Variants in SLC1A3 observed in about 807,000 individuals in gnomAD.
SLC1A3 encodes excitatory amino acid transporter 1.
A neutral mutation model predicts 48.1 loss-of-function variants in SLC1A3; 21 were observed. That is an observed-to-expected ratio of 0.44 (90% CI 0.31 to 0.63). SLC1A3 has a LOEUF of 0.63. SLC1A3 is among the 20% of genes least tolerant of loss of function. SLC1A3 has a pLI of 0.08. For missense variants in SLC1A3, 546 were observed against 689.0 expected (o/e 0.79, Z 2.32); for synonymous variants, 239 against 251.4 (o/e 0.95, Z 0.47).
At chr5:36,642,326 A>G (rs1393134818) in intron 3 of SLC1A3, among the ~76,000 whole-genome samples, 3 of 152,204 alleles carry the variant, frequency 2.0e-5, no homozygotes, top group African/African-American at 7.2e-5. Flanking sequence ...TCCTTATGTG[A>G]AGGATGCATT....
chr5:36,674,226 C>T lies in SLC1A3; in HGVS notation c.567+135C>T, dbSNP rs945187734. On this transcript the variant is annotated intron_variant, in intron 5 of 9. Coordinates refer to ENST00000265113, the MANE Select transcript of SLC1A3 (RefSeq NM_004172.5). ...TTGTCAACCAGATTAAAAACACTAG[C>T]GTTTTCTAGGAATTTTGGGGGGAAA... 57 of 753,398 alleles carry T rather than the reference C, an allele frequency of 7.6e-5. 1 individual carries two copies. The East Asian group carries it at 1.4e-3, about 19-fold the overall frequency. 46.7% of individuals were successfully genotyped at this position (753,398 alleles called of 1,614,324 possible).
intron 1 of SLC1A3, among the ~76,000 whole-genome samples, chr5:36,600,569 C>T (rs1738796384): frequency 6.6e-6 from 1 of 152,190 alleles, no homozygotes; most frequent in East Asian, 1.9e-4. Flanking sequence ...CTATTTCAAG[C>T]AAGTGTGATC....
chr5:36,633,642 A>G (rs1224840382), intron 3 of SLC1A3, among the ~76,000 whole-genome samples: 3 of 152,318 alleles, frequency 2.0e-5, no homozygotes, highest in East Asian at 3.9e-4. Flanking sequence ...AGTTCCAACT[A>G]AAAGGAGATA....
intron 1 of SLC1A3, among the ~76,000 whole-genome samples, chr5:36,600,184 AAG>A (rs900962056): frequency 2.0e-5 from 3 of 152,056 alleles, no homozygotes; most frequent in Non-Finnish European, 4.4e-5. Flanking sequence ...GGGGTTAGGG[AAG>A]AGAGAGGAGG....
chr5:36,677,239 C>A, intron 6 of SLC1A3, 55 bp downstream of exon 6: 2 of 1,495,192 alleles, frequency 1.3e-6, no homozygotes, highest in South Asian at 1.1e-5. Flanking sequence ...TTGCCATCAA[C>A]ATGTGTTCTG....
At chr5:36,662,881 C>T (rs962318060) in intron 3 of SLC1A3, among the ~76,000 whole-genome samples, 1 of 152,224 alleles carries the variant, frequency 6.6e-6, no homozygotes, top group Non-Finnish European at 1.5e-5. Flanking sequence ...CACTCAGAGG[C>T]CGCCATGGGC....
chr5:36,612,032 A>G (rs1739219899), intron 2 of SLC1A3, among the ~76,000 whole-genome samples: 1 of 152,142 alleles, frequency 6.6e-6, no homozygotes, highest in African/African-American at 2.4e-5. Context: ...AACACAGTAA[A>G]CTAGCAGCTT....
chr5:36,636,463 T>TTTTCTTTGTTTC (rs1422812992), intron 3 of SLC1A3: 1 of 68,598 alleles, frequency 1.5e-5, no homozygotes, highest in Non-Finnish European at 2.8e-5. Context: ...TCTTTCTTTC[T>TTTTCTTTGTTTC]TTTCTTTCTT....
At chr5:36,641,917 C>T (rs1740630700) in intron 3 of SLC1A3, among the ~76,000 whole-genome samples, 1 of 152,050 alleles carries the variant, frequency 6.6e-6, no homozygotes, top group African/African-American at 2.4e-5. Context: ...ACAGTAAAAG[C>T]TATTAAATCT....
At chr5:36,656,256 G>A (rs571985207) in intron 3 of SLC1A3, among the ~76,000 whole-genome samples, 2 of 152,212 alleles carry the variant, frequency 1.3e-5, no homozygotes, top group East Asian at 3.9e-4. Flanking sequence ...AAGAAACTAG[G>A]TCTCAGAGAG....
At chr5:36,607,211 G>A (rs1561233753) in intron 1 of SLC1A3, 1 of 151,962 alleles carries the variant, frequency 6.6e-6, no homozygotes. Context: ...TCCTGCACTG[G>A]GATTGCGAGA....
intron 2 of SLC1A3, among the ~76,000 whole-genome samples, chr5:36,609,685 C>T (rs1028471701): frequency 2.6e-5 from 4 of 152,174 alleles, no homozygotes; most frequent in African/African-American, 9.7e-5. Flanking sequence ...ATTTTAACAT[C>T]ATTGTCTTCC....
intron 2 of SLC1A3, among the ~76,000 whole-genome samples, chr5:36,611,059 C>G (rs891405458): frequency 6.6e-6 from 1 of 152,076 alleles, no homozygotes; most frequent in Non-Finnish European, 1.5e-5. Flanking sequence ...AATATAAAGG[C>G]TCTATTTAGC....
At chr5:36,651,589 C>G (rs993405085) in intron 3 of SLC1A3, among the ~76,000 whole-genome samples, 6 of 137,508 alleles carry the variant, frequency 4.4e-5, no homozygotes, top group Non-Finnish European at 9.3e-5. Flanking sequence ...TGCCTGGACT[C>G]TTTTCCCCAG....
intron 3 of SLC1A3, among the ~76,000 whole-genome samples, chr5:36,662,185 G>A (rs1224654934): frequency 6.6e-6 from 1 of 152,042 alleles, no homozygotes; most frequent in African/African-American, 2.4e-5. Flanking sequence ...TACTTTTCCC[G>A]CCACCATCAG....
intron 3 of SLC1A3, among the ~76,000 whole-genome samples, chr5:36,664,452 C>A (rs1199350504): frequency 6.6e-6 from 1 of 152,038 alleles, no homozygotes. Flanking sequence ...CTTTTTAAAG[C>A]CTCTACTATT....
intron 1 of SLC1A3, among the ~76,000 whole-genome samples, chr5:36,600,595 G>A (rs1242218224): frequency 1.3e-5 from 2 of 152,142 alleles, no homozygotes; most frequent in African/African-American, 4.8e-5. Flanking sequence ...TTCCTGGGGA[G>A]GCAGTGGGAT....
intron 3 of SLC1A3, among the ~76,000 whole-genome samples, chr5:36,635,405 G>A (rs1388297908): frequency 2.0e-5 from 3 of 152,236 alleles, no homozygotes; most frequent in Non-Finnish European, 4.4e-5. Context: ...CAAGAAGACA[G>A]AGCTTCAAGT....
intron 3 of SLC1A3, among the ~76,000 whole-genome samples, chr5:36,644,996 GTATGA>G (rs1470116940): frequency 1.3e-5 from 2 of 152,192 alleles, no homozygotes; most frequent in Non-Finnish European, 2.9e-5. Context: ...AATCTCACTG[GTATGA>G]AGTAGATTTT....
Sources: gnomAD v4.1 joint callset for allele counts (sites outside exome capture counted in the v4.1 genomes callset) on GRCh38, gnomAD v4.1.1 for gene constraint, MANE v1.5 for transcripts, NCBI Gene and HGNC (gene_info 2026-07-23, HGNC 2026-07-21) for gene names.